PAK5: variants seen among roughly 807,000 people sequenced by gnomAD.
PAK5 encodes p21 (RAC1) activated kinase 5.
PAK5 carries 16 observed loss-of-function variants against 65.9 expected under a neutral mutation model. The observed-to-expected ratio is 0.24, with a 90% confidence interval of 0.16 to 0.37. The LOEUF (loss-of-function observed/expected upper bound fraction) is 0.37. Ranked by LOEUF, PAK5 falls within the 10% of genes least tolerant of loss-of-function variation. PAK5 has a pLI of 1.00. For synonymous variants in PAK5, 371 were observed against 354.9 expected, an observed-to-expected ratio of 1.05 and a Z score of -0.51; for missense variants, 785 against 903.9, an observed-to-expected ratio of 0.87 and a Z score of 1.69.
At chr20:9,776,622 G>A (rs961196544) in intron 1 of PAK5, among the ~76,000 whole-genome samples, 2 of 152,132 alleles carry the variant, frequency 1.3e-5, no homozygotes, top group African/African-American at 4.8e-5. Context: ...TTGTGATGGG[G>A]AAATCAGCAG....
At chr20:9,550,658 A>T (rs1187305963) in intron 7 of PAK5, among the ~76,000 whole-genome samples, 1 of 152,162 alleles carries the variant, frequency 6.6e-6, no homozygotes, top group East Asian at 1.9e-4. Context: ...AGATATTTTT[A>T]AAAAGAATCT....
intron 1 of PAK5, among the ~76,000 whole-genome samples, chr20:9,823,540 C>T (rs535336668): frequency 2.0e-5 from 3 of 152,300 alleles, no homozygotes; most frequent in African/African-American, 7.2e-5. Flanking sequence ...AGCTCCCCTG[C>T]ACAATTAATC....
chr20:9,580,800 G>A lies in PAK5; in HGVS notation c.335C>T (p.Ala112Val), dbSNP rs2045966242. 3 of 1,613,956 alleles carry A rather than the reference G, an allele frequency of 1.9e-6. No individual in the cohort carries two copies. Among genetic ancestry groups the A allele is most frequent in the Non-Finnish European group, 2.5e-6 (3 of 1,179,946 alleles). Residue 112 changes from alanine (A) to valine (V), a missense_variant, in exon 4 of 10, where the codon GCC becomes GTC. Ala to Val is a moderately conservative substitution (Grantham distance 64, BLOSUM62 0). Transcript: ENST00000353224. ...KESPPTPDQGASSHGPGHAEE... is the reference protein window; with the variant it reads ...KESPPTPDQGVSSHGPGHAEE... ...CGCGTGGCCTGGACCGTGGCTGGAG[G>A]CTCCCTGATCTGGGGTGGGTGGGCT...
intron 1 of PAK5, among the ~76,000 whole-genome samples, chr20:9,825,119 A>G (rs1418126689): frequency 6.6e-6 from 1 of 152,212 alleles, no homozygotes; most frequent in African/African-American, 2.4e-5. Flanking sequence ...CTTCTGTTTT[A>G]CAGTGATACT....
chr20:9,629,113 A>G (rs1484436575), intron 3 of PAK5, among the ~76,000 whole-genome samples: 2 of 152,122 alleles, frequency 1.3e-5, no homozygotes, highest in Non-Finnish European at 2.9e-5. Flanking sequence ...TGCCCTGTCA[A>G]GCCTCTGGAT....
In PAK5 at chr20:9,537,530, A is replaced by C. The variant is rs1462506398; in HGVS notation, c.*1932T>G. The C allele has an allele frequency of 4.8e-6, 1 of 210,054 alleles. No homozygotes were observed. Among genetic ancestry groups the C allele is most frequent in the East Asian group, 7.2e-5 (1 of 13,958 alleles). The allele number at this position is 210,054 out of a possible 1,614,324, so 13.0% of individuals were successfully genotyped here. ...CCCGATGGTAAGAAAATTACAGAAA[A>C]ATTTCCATTACACTGTCGAAAATGT... On this transcript the variant is annotated 3_prime_UTR_variant, in exon 10 of 10. Transcript: ENST00000353224.
chr20:9,741,280 G>A (rs1325339013), intron 1 of PAK5, among the ~76,000 whole-genome samples: 2 of 152,132 alleles, frequency 1.3e-5, no homozygotes, highest in Non-Finnish European at 2.9e-5. Flanking sequence ...AGGGAAATAA[G>A]AAGGGAACAA....
At chr20:9,690,750 C>CTTTTTTTTTTTT (rs112955560) in intron 2 of PAK5, among the ~76,000 whole-genome samples, 26 of 103,956 alleles carry the variant, frequency 2.5e-4, no homozygotes, top group Non-Finnish European at 4.1e-4. Flanking sequence ...TTCTTTCTTT[C>CTTTTTTTTTTTT]TTTTTTTTTT....
intron 2 of PAK5, among the ~76,000 whole-genome samples, chr20:9,682,479 C>T (rs942319804): frequency 4.6e-5 from 7 of 152,178 alleles, no homozygotes; most frequent in South Asian, 2.1e-4. Context: ...CCTCTCAAGG[C>T]GTTTCCTCAC....
At chr20:9,582,264 T>G (rs2045992369) in intron 3 of PAK5, among the ~76,000 whole-genome samples, 1 of 152,172 alleles carries the variant, frequency 6.6e-6, no homozygotes, top group South Asian at 2.1e-4. Context: ...TTCATTACAT[T>G]TATTTGTTAT....
chr20:9,626,801 T>C (rs1185641185), intron 3 of PAK5, among the ~76,000 whole-genome samples: 1 of 151,978 alleles, frequency 6.6e-6, no homozygotes, highest in Non-Finnish European at 1.5e-5. Context: ...TTCTAGGAGG[T>C]GCTGTGACAA....
intron 2 of PAK5, among the ~76,000 whole-genome samples, chr20:9,657,089 T>C (rs2047278199): frequency 6.6e-6 from 1 of 152,186 alleles, no homozygotes; most frequent in African/African-American, 2.4e-5. Context: ...AATCAGTGTA[T>C]AGAACTGTTC....
In PAK5 at chr20:9,539,583, A is replaced by G. The variant is rs945289033; in HGVS notation, c.2039T>C (p.Met680Thr). 3 of 1,613,664 alleles carry G rather than the reference A, an allele frequency of 1.9e-6. No individual in the cohort carries two copies. The highest frequency in any genetic ancestry group is 2.5e-6 in the Non-Finnish European group (3 of 1,179,968). Residue 680 changes from methionine to threonine, a missense_variant, in exon 10 of 10, where the codon ATG becomes ACG. Met to Thr is a moderately conservative substitution (Grantham distance 81). Transcript: ENST00000353224. ...TCTCTGAGAGGGCTCCCTCACCAAC[A>G]TCAAGTCTAGGAATCCCCGGAGCAC... ...SSVLRGFLDL[M>T]LVREPSQRAT...
chr20:9,756,826 C>T (rs2048639900), intron 1 of PAK5, among the ~76,000 whole-genome samples: 1 of 152,110 alleles, frequency 6.6e-6, no homozygotes, highest in Non-Finnish European at 1.5e-5. Flanking sequence ...TTACTGCAAA[C>T]ATCTGTAACT....
At chr20:9,541,469 A>G (rs1024088208) in intron 9 of PAK5, among the ~76,000 whole-genome samples, 1 of 152,094 alleles carries the variant, frequency 6.6e-6, no homozygotes, top group South Asian at 2.1e-4. Flanking sequence ...GCCCTGTACA[A>G]TCTAGCTCCT....
intron 1 of PAK5, among the ~76,000 whole-genome samples, chr20:9,768,821 GAA>G (rs559609473): frequency 2.0e-5 from 2 of 101,464 alleles, no homozygotes; most frequent in Non-Finnish European, 4.1e-5. Flanking sequence ...GGGAAAGAAA[GAA>G]AAAAAAAAAA....
At chr20:9,779,548 T>A (rs2048920398) in intron 1 of PAK5, among the ~76,000 whole-genome samples, 1 of 151,842 alleles carries the variant, frequency 6.6e-6, no homozygotes, top group South Asian at 2.1e-4. Flanking sequence ...ATTAGCATTT[T>A]GGTTGATACT....
chr20:9,620,898 AT>A (rs749429506), intron 3 of PAK5, among the ~76,000 whole-genome samples: 1 of 151,730 alleles, frequency 6.6e-6, no homozygotes, highest in African/African-American at 2.4e-5. Context: ...GCCAGAAAAA[AT>A]ATATATATAT....
At chr20:9,774,950 G>A (rs4622806) in intron 1 of PAK5, among the ~76,000 whole-genome samples, 1 of 151,676 alleles carries the variant, frequency 6.6e-6, no homozygotes, top group Admixed American at 6.6e-5. Flanking sequence ...AGCGAGACTC[G>A]GTCAAAAAAA....
Sources: allele counts gnomAD v4.1 joint callset (sites outside exome capture counted in the v4.1 genomes callset), GRCh38; gene constraint gnomAD v4.1.1; transcripts MANE v1.5; gene names NCBI Gene and HGNC (gene_info 2026-07-23, HGNC 2026-07-21).